The following GRIK4 variants were observed in gnomAD, a reference collection of about 807,000 sequenced individuals.
GRIK4 encodes the protein glutamate ionotropic receptor kainate type subunit 4, also known as glutamate receptor ionotropic, kainate 4.
A neutral mutation model predicts 104.9 loss-of-function variants in GRIK4; 40 were observed. The ratio of observed to expected loss-of-function variants is 0.38; its 90% CI spans 0.30 to 0.50. GRIK4 has a LOEUF of 0.50. Ranked by LOEUF, GRIK4 falls within the 20% of genes least tolerant of loss-of-function variation. The pLI, the probability that GRIK4 is intolerant of heterozygous loss-of-function variation, is 0.93. For synonymous variants in GRIK4, 485 were observed against 524.9 expected, an observed-to-expected ratio of 0.92 and a Z score of 1.04; for missense variants, 1,047 against 1,308.1, an observed-to-expected ratio of 0.80 and a Z score of 3.08.
At chr11:120,654,190 A>G (rs917983368) in intron 2 of GRIK4, among the ~76,000 whole-genome samples, 1 of 152,214 alleles carries the variant, frequency 6.6e-6, no homozygotes, top group Non-Finnish European at 1.5e-5. Context: ...TTGTGATTGC[A>G]TATGGTTAGA....
intron 1 of GRIK4, among the ~76,000 whole-genome samples, chr11:120,535,736 T>C (rs887572733): frequency 1.3e-5 from 2 of 152,226 alleles, no homozygotes; most frequent in Non-Finnish European, 2.9e-5. Flanking sequence ...AGTATTAGTA[T>C]AGCAGCAACT....
At chr11:120,846,534 T>C (rs1323099277) in intron 8 of GRIK4, among the ~76,000 whole-genome samples, 1 of 152,216 alleles carries the variant, frequency 6.6e-6, no homozygotes. Flanking sequence ...TGGTAAGTTA[T>C]AGTTCCTTTT....
chr11:120,586,914 T>C (rs752031090), intron 1 of GRIK4, among the ~76,000 whole-genome samples: 4 of 152,206 alleles, frequency 2.6e-5, no homozygotes, highest in Admixed American at 2.0e-4. Flanking sequence ...TTCAGGGAAC[T>C]GGTGTCAGGT....
At chr11:120,780,354 C>A (rs1367906172) in intron 3 of GRIK4, among the ~76,000 whole-genome samples, 1 of 152,220 alleles carries the variant, frequency 6.6e-6, no homozygotes, top group Non-Finnish European at 1.5e-5. Flanking sequence ...CTGGCAACAA[C>A]CTTGGTACCT....
intron 3 of GRIK4, among the ~76,000 whole-genome samples, chr11:120,774,321 G>T (rs1042019286): frequency 2.0e-5 from 3 of 152,202 alleles, no homozygotes; most frequent in Admixed American, 6.5e-5. Context: ...AACAGAACCA[G>T]CTCTGTGTGT....
chr11:120,865,334 T>G (rs1038253117), intron 9 of GRIK4, among the ~76,000 whole-genome samples: 3 of 152,236 alleles, frequency 2.0e-5, no homozygotes, highest in African/African-American at 7.2e-5. Flanking sequence ...CTAAATCTCA[T>G]GATACACAAT....
At chr11:120,722,944 G>A (rs1950960546) in intron 3 of GRIK4, among the ~76,000 whole-genome samples, 1 of 152,156 alleles carries the variant, frequency 6.6e-6, no homozygotes, top group Admixed American at 6.5e-5. Context: ...AAAAGGGGTG[G>A]TAACTAACAG....
intron 18 of GRIK4, among the ~76,000 whole-genome samples, chr11:120,963,394 C>A (rs1944326231): frequency 6.6e-6 from 1 of 152,178 alleles, no homozygotes; most frequent in African/African-American, 2.4e-5. Context: ...GCTAACAGAA[C>A]CTCCCCAAGA....
intron 3 of GRIK4, among the ~76,000 whole-genome samples, chr11:120,722,322 T>A (rs1040145274): frequency 2.0e-5 from 3 of 152,194 alleles, no homozygotes; most frequent in African/African-American, 7.2e-5. Flanking sequence ...TAATTGAGGA[T>A]CAGAAAGATT....
At chr11:120,640,059 T>C (rs1949451003) in intron 1 of GRIK4, among the ~76,000 whole-genome samples, 1 of 152,008 alleles carries the variant, frequency 6.6e-6, no homozygotes, top group African/African-American at 2.4e-5. Flanking sequence ...CAGAAAGGGG[T>C]CTTGATCCGG....
At chr11:120,785,506 C>G (rs1443420698) in intron 3 of GRIK4, among the ~76,000 whole-genome samples, 2 of 152,220 alleles carry the variant, frequency 1.3e-5, no homozygotes, top group African/African-American at 4.8e-5. Flanking sequence ...ATGCCAGGGA[C>G]TTTACTCATA....
intron 7 of GRIK4, among the ~76,000 whole-genome samples, chr11:120,834,194 G>A (rs1039206486): frequency 1.3e-5 from 2 of 152,094 alleles, no homozygotes; most frequent in African/African-American, 2.4e-5. Flanking sequence ...TTACACTTTC[G>A]CCAGCAGCAT....
chr11:120,653,101 G>A (rs180767770), intron 1 of GRIK4, among the ~76,000 whole-genome samples: 2 of 152,158 alleles, frequency 1.3e-5, no homozygotes, highest in Admixed American at 6.5e-5. Flanking sequence ...ATTCATTCAT[G>A]CATGCATGCA....
rs1257135789 is a variant in GRIK4 at position 120,926,099 on chromosome 11, A to G, written c.1477-14248A>G. On this transcript the variant is annotated intron_variant, in intron 13 of 20. Coordinates refer to ENST00000527524, the MANE Select transcript of GRIK4 (RefSeq NM_014619.5). The stretch of plus-strand genomic sequence containing the variant: ...ATGTAAATTGTTGGTCAATCTTCAG[A>G]AAGTCAGGTGTGATGGTGGTGGTAG... Among the ~76,000 whole-genome samples the G allele has an allele frequency of 2.0e-5, 3 of 152,346 alleles. 1 individual carries two copies. In the South Asian group the frequency reaches 6.2e-4, roughly 32 times the overall value.
At chr11:120,595,939 C>T (rs148020446) in intron 1 of GRIK4, among the ~76,000 whole-genome samples, 7 of 152,332 alleles carry the variant, frequency 4.6e-5, no homozygotes, top group East Asian at 3.9e-4. Flanking sequence ...TTCCACCTCC[C>T]GGGTTCAAGC....
chr11:120,543,371 C>T (rs989269671), intron 1 of GRIK4, among the ~76,000 whole-genome samples: 10 of 152,158 alleles, frequency 6.6e-5, no homozygotes, highest in South Asian at 4.2e-4. Context: ...GTCAGGAGTT[C>T]GAGACCAGCC....
At chr11:120,680,649 A>G (rs1005908250) in intron 3 of GRIK4, among the ~76,000 whole-genome samples, 5 of 152,176 alleles carry the variant, frequency 3.3e-5, no homozygotes, top group East Asian at 1.9e-4. Context: ...GTTTGTTTCA[A>G]TTGGGGCCAC....
intron 3 of GRIK4, among the ~76,000 whole-genome samples, chr11:120,688,289 G>A (rs1394361242): frequency 6.6e-6 from 1 of 152,192 alleles, no homozygotes; most frequent in Non-Finnish European, 1.5e-5. Flanking sequence ...CTTAGTGGAA[G>A]CATTGATTGG....
chr11:120,622,964 C>G (rs905334701), intron 1 of GRIK4, among the ~76,000 whole-genome samples: 1 of 152,206 alleles, frequency 6.6e-6, no homozygotes, highest in African/African-American at 2.4e-5. Context: ...AAGGTAACAT[C>G]CAGAGGTTCT....
Sources: allele counts gnomAD v4.1 joint callset (sites outside exome capture counted in the v4.1 genomes callset), GRCh38; gene constraint gnomAD v4.1.1; transcripts MANE v1.5; gene names NCBI Gene and HGNC (gene_info 2026-07-23, HGNC 2026-07-21).